RIT2: variants seen among roughly 807,000 people sequenced by gnomAD.
RIT2 encodes Ras like without CAAX 2.
A neutral mutation model predicts 23.7 loss-of-function variants in RIT2; 24 were observed. That is an observed-to-expected ratio of 1.01 (90% confidence interval 0.73 to 1.43). The LOEUF is 1.43. Ranked by LOEUF, RIT2 falls within the 40% of genes most tolerant of loss-of-function variation. The probability of loss-of-function intolerance (pLI) is 0.00; values close to 1 mark genes in which losing one functional copy is unlikely to be tolerated. For missense variants in RIT2, 236 were observed against 266.9 expected, an observed-to-expected ratio of 0.88 and a Z score of 0.81; for synonymous variants, 107 against 91.1, an observed-to-expected ratio of 1.17 and a Z score of -0.99.
chr18:42,763,365 G>A (rs781520511), intron 4 of RIT2, among the ~76,000 whole-genome samples: 3 of 152,074 alleles, frequency 2.0e-5, no homozygotes, highest in Non-Finnish European at 4.4e-5. Context: ...AGGAGGCTGA[G>A]GCAGGAGAAT....
intron 1 of RIT2, among the ~76,000 whole-genome samples, chr18:43,113,862 T>C (rs761963061): frequency 6.6e-6 from 1 of 152,124 alleles, no homozygotes; most frequent in Non-Finnish European, 1.5e-5. Flanking sequence ...TGGCATTTAA[T>C]GTGGATTGGT....
intron 4 of RIT2, among the ~76,000 whole-genome samples, chr18:42,870,862 C>T (rs1309446794): frequency 6.6e-6 from 1 of 152,136 alleles, no homozygotes; most frequent in Admixed American, 6.6e-5. Flanking sequence ...GTCAATATAC[C>T]TTTCAATAGC....
At chr18:42,805,244 C>A (rs1340514953) in intron 4 of RIT2, among the ~76,000 whole-genome samples, 3 of 152,072 alleles carry the variant, frequency 2.0e-5, no homozygotes, top group African/African-American at 7.2e-5. Flanking sequence ...TAAAACAGAG[C>A]AAATTTGTGA....
chr18:42,945,273 T>C (rs1435730051), intron 3 of RIT2, among the ~76,000 whole-genome samples: 2 of 152,158 alleles, frequency 1.3e-5, no homozygotes, highest in Non-Finnish European at 2.9e-5. Flanking sequence ...CATTGATATT[T>C]ATTACATAAG....
At chr18:42,845,063 C>G (rs1906870764) in intron 4 of RIT2, among the ~76,000 whole-genome samples, 2 of 151,646 alleles carry the variant, frequency 1.3e-5, no homozygotes, top group Admixed American at 1.3e-4. Context: ...ATTTTGAATG[C>G]CTTAGAATAT....
At chr18:42,962,842 T>C (rs779494830) in intron 3 of RIT2, among the ~76,000 whole-genome samples, 12 of 152,168 alleles carry the variant, frequency 7.9e-5, no homozygotes, top group Non-Finnish European at 1.5e-4. Context: ...AGTATACAAA[T>C]AAACTTCACA....
Position 42,758,487 on chromosome 18 carries a change from C to CTTT in RIT2, c.427-14770_427-14768dup, listed in dbSNP as rs5824453. ...TTCCTCCTTTCTTGACATTCTAATC[C>CTTT]TTTTTTTTTTTGATAACCCTTGTTT... is the stretch of plus-strand genomic sequence containing the variant. On this transcript the variant is annotated intron_variant, in intron 4 of 4. Coordinates refer to ENST00000326695, the MANE Select transcript of RIT2 (RefSeq NM_002930.4). Among the ~76,000 whole-genome samples, 1,087 of 147,194 alleles carry CTTT rather than the reference C, an allele frequency of 7.4e-3. 11 individuals are homozygous for CTTT. The highest frequency in any genetic ancestry group is 0.028 in the East Asian group (140 of 5,000).
intron 3 of RIT2, among the ~76,000 whole-genome samples, chr18:42,969,157 T>C (rs749018369): frequency 6.6e-5 from 10 of 152,142 alleles, no homozygotes; most frequent in Non-Finnish European, 1.2e-4. Context: ...AGTGAGGAAA[T>C]GTCCTAAACA....
At chr18:42,800,012 A>G (rs896067966) in intron 4 of RIT2, among the ~76,000 whole-genome samples, 1 of 152,228 alleles carries the variant, frequency 6.6e-6, no homozygotes, top group African/African-American at 2.4e-5. Context: ...TCGGCTCCAT[A>G]AAGTTACAGA....
At chr18:42,967,687 G>A (rs970685872) in intron 3 of RIT2, among the ~76,000 whole-genome samples, 1 of 150,738 alleles carries the variant, frequency 6.6e-6, no homozygotes, top group Admixed American at 6.6e-5. Context: ...CACCACACCT[G>A]GCCAAAAGTT....
At chr18:43,012,046 A>G (rs1470509781) in intron 2 of RIT2, among the ~76,000 whole-genome samples, 1 of 151,748 alleles carries the variant, frequency 6.6e-6, no homozygotes. Context: ...TTCACGTCCA[A>G]CGAATTCTGT....
chr18:43,103,912 T>C (rs1378814363), intron 1 of RIT2, among the ~76,000 whole-genome samples: 6 of 152,152 alleles, frequency 3.9e-5, no homozygotes, highest in Non-Finnish European at 7.4e-5. Flanking sequence ...TAAAAGATGA[T>C]AGAAGAAATC....
In RIT2 at chr18:42,934,011, C is replaced by T. The variant is rs574162884; in HGVS notation, c.235-10248G>A. Among the ~76,000 whole-genome samples the T allele has an allele frequency of 3.5e-5, 5 of 141,520 alleles. No homozygotes were observed. The South Asian group carries it at 6.9e-4, about 20-fold the overall frequency. 92.8% of individuals were successfully genotyped at this position (141,520 alleles called of 152,430 possible). On this transcript the variant is annotated intron_variant, in intron 3 of 4. Coordinates refer to ENST00000326695, the MANE Select transcript of RIT2 (RefSeq NM_002930.4). ...CCAGCCTGGTGACAGAGCAAGACTC[C>T]GTCTCACAGAAGAAAAAAAAAAAAA...
intron 4 of RIT2, among the ~76,000 whole-genome samples, chr18:42,834,102 G>T (rs1454964591): frequency 6.6e-6 from 1 of 152,134 alleles, no homozygotes; most frequent in Non-Finnish European, 1.5e-5. Flanking sequence ...GACTCCATCA[G>T]ACTGAAGTCT....
At chr18:42,844,412 T>C (rs1419735612) in intron 4 of RIT2, among the ~76,000 whole-genome samples, 1 of 152,092 alleles carries the variant, frequency 6.6e-6, no homozygotes, top group Non-Finnish European at 1.5e-5. Context: ...CATAGACACT[T>C]GAAGGATGAT....
intron 4 of RIT2, among the ~76,000 whole-genome samples, chr18:42,849,755 A>C (rs1322957600): frequency 6.6e-6 from 1 of 152,178 alleles, no homozygotes; most frequent in Non-Finnish European, 1.5e-5. Flanking sequence ...CAGAACAATA[A>C]TGTATGAATT....
chr18:42,941,945 T>G (rs1444853471), intron 3 of RIT2, among the ~76,000 whole-genome samples: 1 of 152,120 alleles, frequency 6.6e-6, no homozygotes, highest in South Asian at 2.1e-4. Flanking sequence ...GAACTGGGAT[T>G]ACTGTGATAG....
At chr18:42,891,863 G>C (rs571497981) in intron 4 of RIT2, among the ~76,000 whole-genome samples, 3 of 152,202 alleles carry the variant, frequency 2.0e-5, no homozygotes, top group Admixed American at 2.0e-4. Flanking sequence ...ACAACAATAA[G>C]AGTGAATCCA....
intron 2 of RIT2, among the ~76,000 whole-genome samples, chr18:42,975,468 C>T (rs1419248191): frequency 1.3e-5 from 2 of 151,942 alleles, no homozygotes; most frequent in African/African-American, 4.8e-5. Flanking sequence ...CAAACCATGG[C>T]TGAGAGTGTG....
Sources: allele counts gnomAD v4.1 joint callset (sites outside exome capture counted in the v4.1 genomes callset), GRCh38; gene constraint gnomAD v4.1.1; transcripts MANE v1.5; gene names NCBI Gene and HGNC (gene_info 2026-07-23, HGNC 2026-07-21).